The following SLC39A11 variants were observed in gnomAD, a reference collection of about 807,000 sequenced individuals.
SLC39A11 encodes the protein zinc transporter ZIP11.
In SLC39A11, 33 loss-of-function variants were observed where a neutral mutation model predicts 36.1. The observed-to-expected ratio is 0.91, with a 90% CI of 0.69 to 1.22. The LOEUF (loss-of-function observed/expected upper bound fraction) is 1.22, where lower values mean the gene tolerates loss of function less well. Among genes scored for constraint, SLC39A11 ranks in the 50% most tolerant of loss-of-function variants. SLC39A11 has a pLI of 0.00. For synonymous variants in SLC39A11, 166 were observed against 170.3 expected (o/e 0.97, Z 0.20); for missense variants, 432 against 430.3 (o/e 1.00, Z -0.03).
At chr17:73,023,733 C>T (rs1221049153) in intron 4 of SLC39A11, among the ~76,000 whole-genome samples, 1 of 152,224 alleles carries the variant, frequency 6.6e-6, no homozygotes, top group African/African-American at 2.4e-5. Context: ...GCGTGATCCG[C>T]CCACCTTGGC....
intron 5 of SLC39A11, among the ~76,000 whole-genome samples, chr17:72,856,039 T>C (rs144776013): frequency 6.6e-6 from 1 of 152,304 alleles, no homozygotes; most frequent in East Asian, 1.9e-4. Context: ...TTTCTAGACT[T>C]TTTTTCTTAT....
intron 4 of SLC39A11, among the ~76,000 whole-genome samples, chr17:72,948,274 A>G (rs2466521): frequency 0.015 from 532 of 36,340 alleles, 5 homozygotes; most frequent in East Asian, 0.086. Context: ...ATCGCCGCAC[A>G]CATACCAAAC....
At chr17:72,895,817 A>G (rs1239010063) in intron 5 of SLC39A11, among the ~76,000 whole-genome samples, 1 of 152,216 alleles carries the variant, frequency 6.6e-6, no homozygotes, top group Admixed American at 6.5e-5. Flanking sequence ...AGAATGTTCA[A>G]TAAACTCCTT....
At chr17:72,894,669 C>CAAA (rs10657098) in intron 5 of SLC39A11, among the ~76,000 whole-genome samples, 8,027 of 121,152 alleles carry the variant, frequency 0.066, 326 homozygotes, top group Non-Finnish European at 0.075. Flanking sequence ...GACCCTGTCT[C>CAAA]AAAAAAAAAA....
intron 6 of SLC39A11, among the ~76,000 whole-genome samples, chr17:72,805,991 A>C (rs1317677471): frequency 6.6e-6 from 1 of 151,964 alleles, no homozygotes; most frequent in Non-Finnish European, 1.5e-5. Flanking sequence ...ACCTCATGCT[A>C]TCCACCTGCC....
intron 5 of SLC39A11, among the ~76,000 whole-genome samples, chr17:72,891,256 T>C (rs574381353): frequency 5.9e-5 from 9 of 152,072 alleles, no homozygotes; most frequent in Non-Finnish European, 1.3e-4. Context: ...ACCCCATCTC[T>C]ACTAAAAATA....
chr17:72,774,092 C>T (rs140914515), intron 6 of SLC39A11, among the ~76,000 whole-genome samples: 325 of 152,344 alleles, frequency 2.1e-3, no homozygotes, highest in African/African-American at 7.1e-3. Context: ...CAAAATGGCA[C>T]TGAATCACTC....
At chr17:72,967,280 G>T (rs1395695103) in intron 4 of SLC39A11, among the ~76,000 whole-genome samples, 1 of 151,812 alleles carries the variant, frequency 6.6e-6, no homozygotes, top group Non-Finnish European at 1.5e-5. Flanking sequence ...GTGCCAAAAA[G>T]GCTAGGGACT....
chr17:73,082,855 AC>A (rs1360670301), intron 3 of SLC39A11, among the ~76,000 whole-genome samples: 1 of 52,542 alleles, frequency 1.9e-5, no homozygotes, highest in Non-Finnish European at 3.9e-5. Flanking sequence ...TACTAAAACC[AC>A]AAAAAAAAAA....
intron 3 of SLC39A11, among the ~76,000 whole-genome samples, chr17:73,047,266 C>T (rs1211985395): frequency 1.3e-5 from 2 of 151,870 alleles, no homozygotes; most frequent in East Asian, 2.0e-4. Context: ...CCTCGTGATC[C>T]GCCCGCCTCG....
At chr17:72,963,690 G>A (rs2086784789) in intron 4 of SLC39A11, among the ~76,000 whole-genome samples, 1 of 152,136 alleles carries the variant, frequency 6.6e-6, no homozygotes, top group African/African-American at 2.4e-5. Flanking sequence ...CAAACTCATA[G>A]GAGGAATCCC....
chr17:72,674,719 T>C (rs2071177485), intron 7 of SLC39A11, among the ~76,000 whole-genome samples: 1 of 152,212 alleles, frequency 6.6e-6, no homozygotes, highest in African/African-American at 2.4e-5. Flanking sequence ...TTTCACAGTT[T>C]TACATTTTCC....
intron 7 of SLC39A11, among the ~76,000 whole-genome samples, chr17:72,694,203 C>T (rs888471878): frequency 2.6e-5 from 4 of 152,188 alleles, no homozygotes; most frequent in Non-Finnish European, 4.4e-5. Context: ...GCTGGCTCTG[C>T]TGAGCATGGG....
At position 73,089,320 on chromosome 17, in the gene SLC39A11, A is replaced by C. The variant is rs116117451; in HGVS notation, c.-11-545T>G. The stretch of plus-strand genomic sequence containing the variant: ...ATACCCACCAACCCCCGACTCTCCA[A>C]TCCCGTTCTCCATCATGCCTGCACG... On this transcript the variant is annotated intron_variant, in intron 1 of 9. Transcript: ENST00000255559. Among the ~76,000 whole-genome samples the C allele has an allele frequency of 3.3e-3, 499 of 152,198 alleles. 2 individuals carry two copies. The highest frequency in any genetic ancestry group is 0.011 in the African/African-American group (475 of 41,518).
intron 4 of SLC39A11, among the ~76,000 whole-genome samples, chr17:73,026,341 C>A (rs1382202860): frequency 6.6e-6 from 1 of 151,396 alleles, no homozygotes; most frequent in Non-Finnish European, 1.5e-5. Context: ...CATGGTGAAA[C>A]CCCATCTCTA....
chr17:72,767,421 G>T (rs2075794261), intron 6 of SLC39A11, among the ~76,000 whole-genome samples: 1 of 152,198 alleles, frequency 6.6e-6, no homozygotes, highest in African/African-American at 2.4e-5. Context: ...GTGAGGGCTG[G>T]GGCAGACTGC....
rs2085535195 is a variant in SLC39A11 at position 72,947,882 on chromosome 17, C to G, written c.307-7G>C. 1 of 1,613,178 alleles carries G rather than the reference C, an allele frequency of 6.2e-7. No homozygotes were observed. The highest frequency in any genetic ancestry group is 1.3e-5 in the African/African-American group (1 of 74,916). On this transcript the variant is annotated splice_polypyrimidine_tract_variant and splice_region_variant and intron_variant, in intron 4 of 9. Transcript: ENST00000255559. ...GGGGGTCTTCTGCTGCACCCTGAAA[C>G]AAGAAGCGGTAACATCACTAGAGCA...
chr17:72,839,295 C>T (rs1229459080), intron 6 of SLC39A11: 1 of 152,162 alleles, frequency 6.6e-6, no homozygotes, highest in African/African-American at 2.4e-5. Context: ...CAAATATATC[C>T]AGGTCCTCAT....
intron 4 of SLC39A11, among the ~76,000 whole-genome samples, chr17:73,004,231 G>A (rs56168971): frequency 0.26 from 16,021 of 60,572 alleles, 1,767 homozygotes; most frequent in East Asian, 0.33. Context: ...AAGAAAGAAA[G>A]AAAAGAAAGA....
Sources: allele counts gnomAD v4.1 joint callset (sites outside exome capture counted in the v4.1 genomes callset), GRCh38; gene constraint gnomAD v4.1.1; transcripts MANE v1.5; gene names NCBI Gene and HGNC (gene_info 2026-07-23, HGNC 2026-07-21).